The following ATP8A2 variants were observed in gnomAD, a reference collection of about 807,000 sequenced individuals.
The protein encoded by ATP8A2 is ATPase phospholipid transporting 8A2, also known as phospholipid-transporting ATPase IB.
In ATP8A2, 100 loss-of-function variants were observed where a neutral mutation model predicts 165.6. That is an observed-to-expected ratio of 0.60 (90% CI 0.51 to 0.71). ATP8A2 has a LOEUF of 0.71. Among genes scored for constraint, ATP8A2 ranks in the 30% least tolerant of loss-of-function variants. The pLI, the probability that ATP8A2 is intolerant of heterozygous loss-of-function variation, is 0.00. For synonymous variants in ATP8A2, 543 were observed against 548.8 expected, an observed-to-expected ratio of 0.99 and a Z score of 0.15; for missense variants, 1,227 against 1,479.5, an observed-to-expected ratio of 0.83 and a Z score of 2.80.
At chr13:25,913,119 A>C (rs17624672) in intron 33 of ATP8A2, among the ~76,000 whole-genome samples, 10,723 of 152,288 alleles carry the variant, frequency 0.07, 540 homozygotes, top group East Asian at 0.2. Flanking sequence ...ATACAGTGCC[A>C]GATATAGAGT....
intron 25 of ATP8A2, among the ~76,000 whole-genome samples, chr13:25,734,977 T>A (rs987229149): frequency 6.6e-6 from 1 of 151,974 alleles, no homozygotes; most frequent in Non-Finnish European, 1.5e-5. Context: ...CAAGGCACAA[T>A]GGTGGCAGAA....
intron 25 of ATP8A2, among the ~76,000 whole-genome samples, chr13:25,737,031 G>T (rs907597004): frequency 6.6e-6 from 1 of 152,140 alleles, no homozygotes; most frequent in Non-Finnish European, 1.5e-5. Context: ...CAGTGCTTGT[G>T]GGATTTGTGT....
rs543969235 is a variant in ATP8A2 at position 25,895,480 on chromosome 13, T to C, written c.3183+33072T>C. Among the ~76,000 whole-genome samples the C allele has an allele frequency of 1.2e-4, 18 of 152,314 alleles. No homozygotes were observed. The South Asian group carries it at 3.3e-3, about 28-fold the overall frequency. Reference sequence around the variant, plus strand: ...TTGCATCAATGTTCATCAAGGATATTGGTCTAAAATTCTCTTTTTTTGTTG... The same window carrying C: ...TTGCATCAATGTTCATCAAGGATATCGGTCTAAAATTCTCTTTTTTTGTTG... On this transcript the variant is annotated intron_variant, in intron 33 of 36. Transcript: ENST00000381655.
chr13:25,673,069 A>G (rs1224181695), intron 24 of ATP8A2, among the ~76,000 whole-genome samples: 1 of 152,204 alleles, frequency 6.6e-6, no homozygotes, highest in East Asian at 1.9e-4. Context: ...GAACGAAAAC[A>G]TGAATAGTGT....
At chr13:26,012,422 C>A in intron 35 of ATP8A2, 109 bp from the exon 36 acceptor site, 1 of 848,338 alleles carries the variant, frequency 1.2e-6, no homozygotes, top group Non-Finnish European at 1.8e-6. Flanking sequence ...CACGCCTTAC[C>A]CGACGTGGGG....
chr13:25,794,961 T>C (rs973098248), intron 27 of ATP8A2, among the ~76,000 whole-genome samples: 2 of 152,036 alleles, frequency 1.3e-5, no homozygotes, highest in Admixed American at 6.6e-5. Flanking sequence ...GTCAGCCTCT[T>C]GTTTGTAATC....
chr13:25,608,289 C>G lies in ATP8A2; in HGVS notation c.2211+18590C>G, dbSNP rs190134021. Among the ~76,000 whole-genome samples the G allele has an allele frequency of 3.3e-5, 5 of 152,304 alleles. No homozygotes were observed. The East Asian group carries it at 9.7e-4, about 29-fold the overall frequency. On this transcript the variant is annotated intron_variant, in intron 24 of 36. Transcript: ENST00000381655. The stretch of plus-strand genomic sequence containing the variant: ...AATCTCCACATGAGATTTGGGGTGA[C>G]AAAGCATATCCAAACCATAGCGTGC...
intron 24 of ATP8A2, among the ~76,000 whole-genome samples, chr13:25,643,474 G>C (rs1248246734): frequency 1.3e-5 from 2 of 152,082 alleles, no homozygotes; most frequent in Non-Finnish European, 2.9e-5. Flanking sequence ...ACAGGGTCCA[G>C]TTTCATCCTT....
intron 1 of ATP8A2, among the ~76,000 whole-genome samples, chr13:25,467,215 C>A (rs1422197934): frequency 1.3e-5 from 2 of 152,160 alleles, no homozygotes; most frequent in Non-Finnish European, 2.9e-5. Flanking sequence ...GCTGTGGGCA[C>A]ACGCAAAAAG....
intron 2 of ATP8A2, among the ~76,000 whole-genome samples, chr13:25,489,220 G>A (rs1196028614): frequency 2.6e-5 from 4 of 152,052 alleles, no homozygotes; most frequent in Admixed American, 2.6e-4. Flanking sequence ...GATACACAAG[G>A]CCACTCTCGT....
chr13:25,837,127 A>C (rs780740241), intron 28 of ATP8A2, 36 bp from the exon 29 acceptor site: 2 of 1,599,582 alleles, frequency 1.3e-6, no homozygotes, highest in Non-Finnish European at 8.5e-7. Context: ...GTGGATCCGA[A>C]GGGCTGCTTT....
At chr13:25,790,098 G>A (rs2045129015) in intron 27 of ATP8A2, among the ~76,000 whole-genome samples, 1 of 152,124 alleles carries the variant, frequency 6.6e-6, no homozygotes, top group African/African-American at 2.4e-5. Flanking sequence ...AGATTTAAAT[G>A]TAAAACCCAA....
intron 36 of ATP8A2, among the ~76,000 whole-genome samples, chr13:26,017,500 G>T (rs1415386257): frequency 6.6e-6 from 1 of 152,238 alleles, no homozygotes; most frequent in African/African-American, 2.4e-5. Context: ...TTGGGGATGA[G>T]AGTGTGTGTG....
At chr13:25,951,379 C>G (rs76896668) in intron 33 of ATP8A2, among the ~76,000 whole-genome samples, 8,304 of 152,238 alleles carry the variant, frequency 0.055, 717 homozygotes, top group African/African-American at 0.18. Flanking sequence ...GTGAAAGAAG[C>G]CAGATTCAAC....
intron 33 of ATP8A2, among the ~76,000 whole-genome samples, chr13:25,948,984 A>G (rs1267562179): frequency 1.3e-5 from 2 of 152,216 alleles, no homozygotes; most frequent in Admixed American, 1.3e-4. Context: ...CTTGCTGGTC[A>G]CTGTCTTTGG....
chr13:26,007,264 A>G (rs535483810), intron 35 of ATP8A2, among the ~76,000 whole-genome samples: 5 of 152,300 alleles, frequency 3.3e-5, no homozygotes, highest in African/African-American at 1.2e-4. Context: ...ACTATTCACA[A>G]TGGTCTCCTT....
rs568243282 is a variant in ATP8A2 at position 25,383,545 on chromosome 13, G to A, written c.76+11257G>A. ...TGGCTTGTCTTTCATTCTCTTAACA[G>A]TGTCTTTTGCAGGGTGAAGTTTTAA... is the stretch of plus-strand genomic sequence containing the variant. On this transcript the variant is annotated intron_variant, in intron 1 of 36. Coordinates refer to ENST00000381655, the MANE Select transcript of ATP8A2 (RefSeq NM_016529.6). Among the ~76,000 whole-genome samples, 3 of 152,296 alleles carry A rather than the reference G, an allele frequency of 2.0e-5. No individual in the cohort carries two copies. The East Asian group carries it at 5.8e-4, about 29-fold the overall frequency.
chr13:25,574,649 A>G (rs1266415051), intron 18 of ATP8A2, among the ~76,000 whole-genome samples, 159 bp from the exon 19 acceptor site: 1 of 152,134 alleles, frequency 6.6e-6, no homozygotes, highest in Non-Finnish European at 1.5e-5. Context: ...GGGAGCTCTG[A>G]CCCCACCAGA....
At chr13:25,722,506 T>A (rs2043403058) in intron 25 of ATP8A2, among the ~76,000 whole-genome samples, 1 of 152,232 alleles carries the variant, frequency 6.6e-6, no homozygotes. Flanking sequence ...CCAATGAGAC[T>A]GGTATATGTT....
Sources: allele counts gnomAD v4.1 joint callset (sites outside exome capture counted in the v4.1 genomes callset), GRCh38; gene constraint gnomAD v4.1.1; transcripts MANE v1.5; gene names NCBI Gene and HGNC (gene_info 2026-07-23, HGNC 2026-07-21).